The following NMNAT2 variants were observed in gnomAD, a reference collection of about 807,000 sequenced individuals.
NMNAT2 encodes the protein nicotinamide/nicotinic acid mononucleotide adenylyltransferase 2.
A neutral mutation model predicts 41.6 loss-of-function variants in NMNAT2; 11 were observed. That is an observed-to-expected ratio of 0.26 (90% confidence interval 0.17 to 0.44). The LOEUF is 0.44. Ranked by LOEUF, NMNAT2 falls within the 20% of genes least tolerant of loss-of-function variation. The probability of loss-of-function intolerance (pLI) is 1.00; values close to 1 mark genes in which losing one functional copy is unlikely to be tolerated. For missense variants in NMNAT2, 288 were observed against 407.7 expected, an observed-to-expected ratio of 0.71 and a Z score of 2.53; for synonymous variants, 148 against 151.2, an observed-to-expected ratio of 0.98 and a Z score of 0.16.
chr1:183,364,285 C>G (rs1346381656), intron 1 of NMNAT2, among the ~76,000 whole-genome samples: 1 of 152,210 alleles, frequency 6.6e-6, no homozygotes, highest in African/African-American at 2.4e-5. Context: ...CAAATAATGT[C>G]ACATTTCAAT....
At chr1:183,275,063 C>A (rs1437058739) in intron 8 of NMNAT2, among the ~76,000 whole-genome samples, 1 of 152,132 alleles carries the variant, frequency 6.6e-6, no homozygotes, top group Non-Finnish European at 1.5e-5. Context: ...TGGAGCAGGG[C>A]ACCTTTGACT....
intron 1 of NMNAT2, among the ~76,000 whole-genome samples, chr1:183,378,972 G>A (rs1663736883): frequency 6.6e-6 from 1 of 152,082 alleles, no homozygotes; most frequent in African/African-American, 2.4e-5. Context: ...GAACCTGGGA[G>A]GAGGTTGCAG....
At chr1:183,349,800 T>C (rs1663006657) in intron 1 of NMNAT2, among the ~76,000 whole-genome samples, 1 of 152,162 alleles carries the variant, frequency 6.6e-6, no homozygotes. Context: ...CAAATATTGA[T>C]TTTCTCCTGG....
At position 183,342,879 on chromosome 1, in the gene NMNAT2, A is replaced by G. The variant is rs145201024; in HGVS notation, c.86-49086T>C. Among the ~76,000 whole-genome samples, 646 of 149,192 alleles carry G rather than the reference A, an allele frequency of 4.3e-3. 1 individual carries two copies. The highest frequency in any genetic ancestry group is 9.6e-3 in the Admixed American group (142 of 14,754). On this transcript the variant is annotated intron_variant, in intron 1 of 10. Transcript: ENST00000287713. Reference sequence around the variant, plus strand: ...CTCCCAAGTAGCTGAGACTACAGACATGTTCCATCATGACTGGCTAATTAT... The same window carrying G: ...CTCCCAAGTAGCTGAGACTACAGACGTGTTCCATCATGACTGGCTAATTAT...
chr1:183,408,133 C>A (rs930503001), intron 1 of NMNAT2, among the ~76,000 whole-genome samples: 1 of 152,196 alleles, frequency 6.6e-6, no homozygotes, highest in African/African-American at 2.4e-5. Flanking sequence ...AACAGCACTT[C>A]CTATTTTAAG....
chr1:183,329,049 A>G (rs2102337180), intron 1 of NMNAT2, among the ~76,000 whole-genome samples: 1 of 152,236 alleles, frequency 6.6e-6, no homozygotes, highest in East Asian at 1.9e-4. Context: ...AGCTACAGAG[A>G]AAGAGGCAAA....
intron 10 of NMNAT2, among the ~76,000 whole-genome samples, chr1:183,259,731 C>T (rs888531424): frequency 4.6e-5 from 7 of 152,122 alleles, no homozygotes; most frequent in African/African-American, 1.7e-4. Flanking sequence ...TCCCGAGTAG[C>T]TGGGACTACA....
intron 10 of NMNAT2, among the ~76,000 whole-genome samples, chr1:183,254,756 T>G (rs1221898796): frequency 6.6e-6 from 1 of 152,224 alleles, no homozygotes; most frequent in East Asian, 1.9e-4. Context: ...AGTTTTTAGT[T>G]GAGTAATATG....
At chr1:183,294,356 C>T (rs1188246000) in intron 1 of NMNAT2, among the ~76,000 whole-genome samples, 1 of 152,176 alleles carries the variant, frequency 6.6e-6, no homozygotes, top group Admixed American at 6.5e-5. Context: ...AGATAAAAGC[C>T]TTTTATCCTT....
rs76859249 is a variant in NMNAT2, at chr1:183,414,224, T to C, written c.85+3959A>G. Among the ~76,000 whole-genome samples the C allele has an allele frequency of 6.3e-3, 955 of 152,312 alleles. 9 individuals carry two copies. The highest frequency in any genetic ancestry group is 0.021 in the East Asian group (107 of 5,178). ...CTGCAGGAAGCCATGACCCTGCTGC[T>C]GCTCTACAGCCTGGGCAACAGAGCA... On this transcript the variant is annotated intron_variant, in intron 1 of 10. Coordinates refer to ENST00000287713, the MANE Select transcript of NMNAT2 (RefSeq NM_015039.4).
At chr1:183,403,106 G>T (rs181162013) in intron 1 of NMNAT2, among the ~76,000 whole-genome samples, 6 of 151,886 alleles carry the variant, frequency 4.0e-5, no homozygotes, top group East Asian at 1.9e-4. Context: ...GCTAATTTTT[G>T]TATTTTTAGT....
intron 1 of NMNAT2, among the ~76,000 whole-genome samples, chr1:183,301,970 C>T (rs1341406351): frequency 6.6e-6 from 1 of 152,160 alleles, no homozygotes; most frequent in Non-Finnish European, 1.5e-5. Flanking sequence ...CTGTATTTTC[C>T]CTGTTTGTAA....
At chr1:183,346,570 ATAATT>A (rs1662933541) in intron 1 of NMNAT2, among the ~76,000 whole-genome samples, 1 of 152,212 alleles carries the variant, frequency 6.6e-6, no homozygotes, top group Non-Finnish European at 1.5e-5. Flanking sequence ...GGAGACAGAG[ATAATT>A]GCCGAGTCCC....
At chr1:183,392,958 T>C (rs1648524523) in intron 1 of NMNAT2, among the ~76,000 whole-genome samples, 1 of 152,192 alleles carries the variant, frequency 6.6e-6, no homozygotes. Context: ...ATTTAGTTGA[T>C]TGTCTTTCTG....
chr1:183,294,706 C>T (rs770609804), intron 1 of NMNAT2, among the ~76,000 whole-genome samples: 7 of 152,164 alleles, frequency 4.6e-5, no homozygotes, highest in Non-Finnish European at 7.3e-5. Context: ...AGGAGAATCG[C>T]TTGAACCCGG....
chr1:183,337,687 G>A lies in NMNAT2; in HGVS notation c.86-43894C>T, dbSNP rs571657347. Among the ~76,000 whole-genome samples the A allele has an allele frequency of 9.9e-5, 15 of 151,902 alleles. No individual in the cohort carries two copies. The South Asian group carries it at 2.7e-3, about 27-fold the overall frequency. On this transcript the variant is annotated intron_variant, in intron 1 of 10. Coordinates refer to ENST00000287713, the MANE Select transcript of NMNAT2 (RefSeq NM_015039.4). ...AGAGTAATGCACCAAGGATTCAGCC[G>A]AAGCTTCTCTCTGCTGGCAACAATC...
At chr1:183,355,426 C>G (rs1003940455) in intron 1 of NMNAT2, among the ~76,000 whole-genome samples, 1 of 152,102 alleles carries the variant, frequency 6.6e-6, no homozygotes, top group Middle Eastern at 3.2e-3. Context: ...AATCAGAGAC[C>G]GAGGGTGGGA....
chr1:183,283,936 T>C, intron 7 of NMNAT2, 59 bp downstream of exon 7: 1 of 1,538,316 alleles, frequency 6.5e-7, no homozygotes, highest in Non-Finnish European at 9.0e-7. Context: ...ATGTTGCCTG[T>C]CGTGAAGGCA....
intron 1 of NMNAT2, among the ~76,000 whole-genome samples, chr1:183,329,161 A>G (rs1662528347): frequency 6.6e-6 from 1 of 152,164 alleles, no homozygotes; most frequent in East Asian, 1.9e-4. Context: ...CATGATTTCT[A>G]TCCCCCTACC....
Sources: gnomAD v4.1 joint callset for allele counts (sites outside exome capture counted in the v4.1 genomes callset) on GRCh38, gnomAD v4.1.1 for gene constraint, MANE v1.5 for transcripts, NCBI Gene and HGNC (gene_info 2026-07-23, HGNC 2026-07-21) for gene names.